The following SAMMSON variants were observed in gnomAD, a reference collection of about 807,000 sequenced individuals.
SAMMSON encodes survival associated mitochondrial melanoma specific oncogenic non-coding RNA, also known as long intergenic non-protein coding RNA 1212.
chr3:70,080,529 T>C (rs1214341485), intron 4 of SAMMSON, among the ~76,000 whole-genome samples: 1 of 152,182 alleles, frequency 6.6e-6, no homozygotes, highest in Non-Finnish European at 1.5e-5. Context: ...TTGTATGTAC[T>C]CTTCTCCCTA....
At chr3:70,432,380 T>A (rs1022724705) in intron 2 of SAMMSON, among the ~76,000 whole-genome samples, 8 of 151,740 alleles carry the variant, frequency 5.3e-5, no homozygotes, top group African/African-American at 1.9e-4. Flanking sequence ...TATATCTAGA[T>A]GCAATTCATT....
chr3:70,427,478 G>C (rs1366058375), intron 2 of SAMMSON, among the ~76,000 whole-genome samples: 3 of 152,118 alleles, frequency 2.0e-5, no homozygotes, highest in Non-Finnish European at 1.5e-5. Context: ...GGTGGCTCAC[G>C]CCTGTAATCC....
chr3:70,428,419 A>G (rs919666709), intron 2 of SAMMSON, among the ~76,000 whole-genome samples: 5 of 152,228 alleles, frequency 3.3e-5, no homozygotes, highest in Non-Finnish European at 5.9e-5. Flanking sequence ...AAAGTCCACA[A>G]ATACATGCAC....
intron 2 of SAMMSON, among the ~76,000 whole-genome samples, chr3:70,410,408 T>C (rs1207495587): frequency 6.6e-6 from 1 of 152,150 alleles, no homozygotes; most frequent in Admixed American, 6.5e-5. Context: ...AAAAGACAAA[T>C]ATAATAAGAC....
rs534028316 is a variant in SAMMSON, at chr3:70,077,092, C to A, written n.507+5527C>A. On this transcript the variant is annotated intron_variant and non_coding_transcript_variant, in intron 4 of 9. Coordinates refer to ENST00000642114, the Ensembl canonical transcript of SAMMSON. ...TTCATTAACTCTGTGACTGGCTCGC[C>A]TTTGTGAAAAACAGTTAAAATTAGC... Among the ~76,000 whole-genome samples the A allele has an allele frequency of 8.5e-5, 13 of 152,172 alleles. No individual in the cohort carries two copies. In the South Asian group the frequency reaches 2.3e-3, roughly 27 times the overall value.
intron 3 of SAMMSON, among the ~76,000 whole-genome samples, chr3:70,047,557 A>G (rs969673454): frequency 6.6e-6 from 1 of 151,984 alleles, no homozygotes; most frequent in Non-Finnish European, 1.5e-5. Flanking sequence ...GCTGGTCTCG[A>G]ACTCCTAATC....
chr3:70,415,387 A>G lies in SAMMSON; in HGVS notation n.234-47173A>G, dbSNP rs1392911181. On this transcript the variant is annotated intron_variant and non_coding_transcript_variant, in intron 2 of 3. Coordinates refer to the SAMMSON transcript ENST00000641053. Reference sequence around the variant, plus strand: ...AAAAAAATTTAATCACAAAGGAAAAATGTCTTTGATTGATTTCTGATGGTG... The same window carrying G: ...AAAAAAATTTAATCACAAAGGAAAAGTGTCTTTGATTGATTTCTGATGGTG... Among the ~76,000 whole-genome samples, 3 of 152,090 alleles carry G rather than the reference A, an allele frequency of 2.0e-5. No homozygotes were observed. In the East Asian group the frequency reaches 5.8e-4, roughly 29 times the overall value.
chr3:70,019,767 G>T (rs1036279610), intron 3 of SAMMSON, among the ~76,000 whole-genome samples: 1 of 152,036 alleles, frequency 6.6e-6, no homozygotes, highest in South Asian at 2.1e-4. Flanking sequence ...GCTCTTGTAG[G>T]GCTGACCTGG....
intron 9 of SAMMSON, among the ~76,000 whole-genome samples, chr3:70,372,605 T>C (rs1702979924): frequency 6.6e-6 from 1 of 152,168 alleles, no homozygotes; most frequent in South Asian, 2.1e-4. Context: ...CACACTATTT[T>C]TTAATGTTGA....
At chr3:70,368,449 A>C (rs1322778545) in intron 9 of SAMMSON, among the ~76,000 whole-genome samples, 1 of 151,688 alleles carries the variant, frequency 6.6e-6, no homozygotes, top group Admixed American at 6.6e-5. Context: ...AAAAATTTGT[A>C]GATGGTCTTT....
intron 6 of SAMMSON, among the ~76,000 whole-genome samples, chr3:70,285,540 C>T (rs1473540511): frequency 6.6e-6 from 1 of 151,904 alleles, no homozygotes; most frequent in Non-Finnish European, 1.5e-5. Flanking sequence ...GTCTTTATAG[C>T]AGCATGATTT....
chr3:70,371,118 A>C lies in SAMMSON; in HGVS notation n.913+12794A>C, dbSNP rs925936211. ...TTGTCAGCTTTTTTGAAGATCAGTTAGCTGTAAATATATGGGTTTATTTCT... is the reference window on the plus strand; with the variant it reads ...TTGTCAGCTTTTTTGAAGATCAGTTCGCTGTAAATATATGGGTTTATTTCT... On this transcript the variant is annotated intron_variant and non_coding_transcript_variant, in intron 9 of 9. Coordinates refer to ENST00000642114, the Ensembl canonical transcript of SAMMSON. Among the ~76,000 whole-genome samples, 79 of 151,918 alleles carry C rather than the reference A, an allele frequency of 5.2e-4. 3 individuals are homozygous for C. The highest frequency in any genetic ancestry group is 6.6e-4 in the Admixed American group (10 of 15,240).
chr3:70,142,179 G>T (rs1039040717), intron 4 of SAMMSON, among the ~76,000 whole-genome samples: 1 of 151,982 alleles, frequency 6.6e-6, no homozygotes, highest in Non-Finnish European at 1.5e-5. Flanking sequence ...CCCACTGCTG[G>T]GTATCTACCC....
chr3:70,378,183 T>A (rs1414013322), intron 9 of SAMMSON, among the ~76,000 whole-genome samples: 1 of 151,476 alleles, frequency 6.6e-6, no homozygotes, highest in Non-Finnish European at 1.5e-5. Context: ...TAACATAGAA[T>A]AGCACAAAAC....
chr3:70,254,054 AAC>A (rs1259485751), intron 6 of SAMMSON, among the ~76,000 whole-genome samples: 2 of 152,212 alleles, frequency 1.3e-5, no homozygotes, highest in South Asian at 2.1e-4. Context: ...TGATTCAGAT[AAC>A]AGTTATTTAG....
Position 70,210,842 on chromosome 3 carries a change from G to A in SAMMSON, n.508-38265G>A, listed in dbSNP as rs531366953. 2.0e-5 allele frequency among the ~76,000 whole-genome samples: 3 copies of A among 151,864 alleles called. No homozygotes were observed. The South Asian group carries it at 6.3e-4, about 32-fold the overall frequency. On this transcript the variant is annotated intron_variant and non_coding_transcript_variant, in intron 4 of 9. Coordinates refer to ENST00000642114, the Ensembl canonical transcript of SAMMSON. Reference sequence around the variant, plus strand: ...GCTACAGGTAATTGCAAGAACAAATGGACATAAACTTAAGTCAGAGAAAAG... The same window carrying A: ...GCTACAGGTAATTGCAAGAACAAATAGACATAAACTTAAGTCAGAGAAAAG...
At position 70,010,192 on chromosome 3, in the gene SAMMSON, C is replaced by T. The variant is rs1010485199; in HGVS notation, n.23-2165C>T. On this transcript the variant is annotated intron_variant and non_coding_transcript_variant, in intron 1 of 9. Transcript: ENST00000642114. ...GAGCTGAGTTCAATTCCTGGATATCCTTGTTAACTTTCTGTCTCGTTGATG... is the reference window on the plus strand; with the variant it reads ...GAGCTGAGTTCAATTCCTGGATATCTTTGTTAACTTTCTGTCTCGTTGATG... Among the ~76,000 whole-genome samples, 6 of 151,984 alleles carry T rather than the reference C, an allele frequency of 3.9e-5. 1 individual carries two copies. The South Asian group carries it at 1.0e-3, about 26-fold the overall frequency.
intron 4 of SAMMSON, among the ~76,000 whole-genome samples, chr3:70,148,693 C>G (rs953014836): frequency 2.6e-5 from 4 of 152,094 alleles, no homozygotes; most frequent in African/African-American, 7.2e-5. Flanking sequence ...TAACAACCAG[C>G]TTTCATGGGA....
At chr3:70,429,549 A>T (rs1701397377) in intron 2 of SAMMSON, among the ~76,000 whole-genome samples, 1 of 152,204 alleles carries the variant, frequency 6.6e-6, no homozygotes, top group African/African-American at 2.4e-5. Flanking sequence ...TCTATAAATT[A>T]CTTTGGGCAA....
Sources: allele counts gnomAD v4.1 joint callset (sites outside exome capture counted in the v4.1 genomes callset), GRCh38; gene constraint gnomAD v4.1.1; transcripts MANE v1.5; gene names NCBI Gene and HGNC (gene_info 2026-07-23, HGNC 2026-07-21).